The following PRSS21 variants were observed in gnomAD, a reference collection of about 807,000 sequenced individuals.
PRSS21 encodes the protein testisin.
PRSS21 carries 40 observed loss-of-function variants against 31.1 expected under a neutral mutation model. The observed-to-expected ratio is 1.29, with a 90% CI of 1.00 to 1.68. The LOEUF is 1.68. Among genes scored for constraint, PRSS21 ranks in the 40% most tolerant of loss-of-function variants. The pLI is 0.00. For missense variants in PRSS21, 467 were observed against 412.6 expected (o/e 1.13, Z -1.14); for synonymous variants, 186 against 167.7 (o/e 1.11, Z -0.84).
rs2069174365 is a variant in PRSS21 at position 2,821,420 on chromosome 16, G to A, written c.760G>A (p.Gly254Arg). Residue 254 changes from glycine (G) to arginine (R), a missense_variant, in exon 6 of 6, where the codon GGA (glycine) becomes AGA (arginine). Coordinates refer to ENST00000005995, the MANE Select transcript of PRSS21 (RefSeq NM_006799.4). The stretch of plus-strand genomic sequence containing the variant: ...CAAGAATGGACTGTGGTATCAGATT[G>A]GAGTCGTGAGCTGGGGAGTGGGCTG... The part of the protein sequence containing the change: ...CNKNGLWYQI[G>R]VVSWGVGCGR... 1 of 1,614,240 alleles carries A rather than the reference G, an allele frequency of 6.2e-7. No individual in the cohort carries two copies. Among genetic ancestry groups the A allele is most frequent in the Non-Finnish European group, 8.5e-7 (1 of 1,180,028 alleles).
Position 2,821,074 on chromosome 16 carries a change from G to A in PRSS21, c.670G>A (p.Ala224Thr). 1 of 1,614,156 alleles carries A rather than the reference G, an allele frequency of 6.2e-7. No homozygotes were observed. The highest frequency in any genetic ancestry group is 8.5e-7 in the Non-Finnish European group (1 of 1,180,028). ...RKDIFGDMVC[A>T]GNAQGGKDAC... ...GGACATCTTTGGAGACATGGTTTGTGCTGGCAATGCCCAAGGCGGGAAGGA... is the reference window on the plus strand; with the variant it reads ...GGACATCTTTGGAGACATGGTTTGTACTGGCAATGCCCAAGGCGGGAAGGA... Residue 224 changes from alanine to threonine, a missense_variant, in exon 5 of 6, where the codon GCT becomes ACT. By Grantham distance (58) the Ala-to-Thr change is moderately conservative (BLOSUM62 0). Coordinates refer to ENST00000005995, the MANE Select transcript of PRSS21 (RefSeq NM_006799.4).
At chr16:2,820,417 G>A (rs1380603267) in intron 4 of PRSS21, among the ~76,000 whole-genome samples, 1 of 152,202 alleles carries the variant, frequency 6.6e-6, no homozygotes, top group Non-Finnish European at 1.5e-5. Flanking sequence ...AACTTCCCCA[G>A]TGCCTTGCTG....
At position 2,820,966 on chromosome 16, in the gene PRSS21, C is replaced by T. The variant is rs780843299; in HGVS notation, c.562C>T (p.Pro188Ser). ...TATCGTCCGCACAGCACTGCCATCT[C>T]CCCACACCCTCCAGGAAGTTCAGGT... is the stretch of plus-strand genomic sequence containing the variant. ...YIKEDEALPS[P>S]HTLQEVQVAI... The change falls in exon 5 of 6, where the codon CCC becomes TCC. Residue 188 changes from proline (P) to serine (S), a missense_variant. By Grantham distance (74) the Pro-to-Ser change is moderately conservative. Coordinates refer to ENST00000005995, the MANE Select transcript of PRSS21 (RefSeq NM_006799.4). The T allele has an allele frequency of 3.1e-6, 5 of 1,613,706 alleles. 1 individual carries two copies. Among genetic ancestry groups the T allele is most frequent in the East Asian group, 2.2e-5 (1 of 44,874 alleles).
In PRSS21 at chr16:2,821,692, T is replaced by A. The variant is rs558406349; in HGVS notation, c.*87T>A. 2.0e-6 allele frequency: 3 copies of A among 1,488,574 alleles called. No homozygotes were observed. In the South Asian group the frequency reaches 3.7e-5, roughly 19 times the overall value. 92.2% of individuals were successfully genotyped at this position (1,488,574 alleles called of 1,614,324 possible). On this transcript the variant is annotated 3_prime_UTR_variant, in exon 6 of 6. Transcript: ENST00000005995. ...TTGTTTGGTAATAAACACATTCCAG[T>A]TGATGCCTTGCAGGGCATTCTTCAA...
At chr16:2,820,322 T>C (rs1279364505) in intron 4 of PRSS21, among the ~76,000 whole-genome samples, 1 of 152,238 alleles carries the variant, frequency 6.6e-6, no homozygotes, top group Non-Finnish European at 1.5e-5. Flanking sequence ...GGTCTCATTG[T>C]CTTTTGTCAT....
chr16:2,818,083 A>C, intron 3 of PRSS21, 117 bp downstream of exon 3: 1 of 1,304,084 alleles, frequency 7.7e-7, no homozygotes, highest in Non-Finnish European at 1.0e-6. Context: ...TTGTGCGTGG[A>C]TGCGGCCTGG....
Position 2,821,557 on chromosome 16 carries a change from A to T in PRSS21, c.897A>T (p.Leu299=). 1.2e-6 allele frequency: 2 copies of T among 1,613,498 alleles called. No individual in the cohort carries two copies. The highest frequency in any genetic ancestry group is 1.7e-6 in the Non-Finnish European group (2 of 1,179,844). ...GMSQPDPSWP[L]LFFPLLWALP... is the part of the protein sequence containing the mutation. ...CCCAGCCAGACCCCTCCTGGCCGCT[A>T]CTCTTTTTCCCTCTTCTCTGGGCTC... The change falls in exon 6 of 6, where the codon CTA becomes CTT. Residue 299 remains leucine, a synonymous_variant. Transcript: ENST00000005995.
rs1391248584 is a variant in PRSS21, at chr16:2,821,710, T to G, written c.*105T>G. The G allele has an allele frequency of 6.9e-7, 1 of 1,443,858 alleles. No homozygotes were observed. Among genetic ancestry groups the G allele is most frequent in the African/African-American group, 1.4e-5 (1 of 70,924 alleles). 89.4% of individuals were successfully genotyped at this position (1,443,858 alleles called of 1,614,324 possible). A position where few individuals can be genotyped will look rare whatever the true frequency, so the allele number is the denominator to read the frequency against. ...ATTCCAGTTGATGCCTTGCAGGGCA[T>G]TCTTCAAAAGCAGTGGCTTCATGGA... On this transcript the variant is annotated 3_prime_UTR_variant, in exon 6 of 6. Transcript: ENST00000005995.
chr16:2,821,580 C>T lies in PRSS21; in HGVS notation c.920C>T (p.Ala307Val), dbSNP rs1457836262. Residue 307 changes from alanine (A) to valine (V), a missense_variant, in exon 6 of 6, where the codon GCT becomes GTT. By Grantham distance (64) the Ala-to-Val change is moderately conservative (BLOSUM62 0). Transcript: ENST00000005995. Reference protein sequence around the residue: ...WPLLFFPLLWALPLLGPV With the variant: ...WPLLFFPLLWVLPLLGPV ...CTACTCTTTTTCCCTCTTCTCTGGG[C>T]TCTCCCACTCCTGGGGCCGGTCTGA... The T allele has an allele frequency of 6.2e-7, 1 of 1,613,658 alleles. No individual in the cohort carries two copies.
chr16:2,817,894 G>T lies in PRSS21; in HGVS notation c.185G>T (p.Trp62Leu), dbSNP rs548634776. The change falls in exon 3 of 6, where the codon TGG becomes TTG. Residue 62 changes from tryptophan to leucine, a missense_variant. Transcript: ENST00000005995. This position sits in a 1 kb window ranked among gnomAD's most constrained non-coding sequence, Gnocchi z 4.2. The part of the protein sequence containing the change: ...RWPWQGSLRL[W>L]DSHVCGVSLL... ...CCGTGGCAGGGGAGCCTGCGCCTGT[G>T]GGATTCCCACGTATGCGGAGTGAGC... 31 of 1,549,644 alleles carry T rather than the reference G, an allele frequency of 2.0e-5. No individual in the cohort carries two copies. The East Asian group carries it at 6.8e-4, about 34-fold the overall frequency.
Position 2,817,516 on chromosome 16 carries a change from C to A in PRSS21, c.91+60C>A, listed in dbSNP as rs1222378470. The A allele has an allele frequency of 6.7e-6, 5 of 741,226 alleles. No individual in the cohort carries two copies. Among genetic ancestry groups the A allele is most frequent in the South Asian group, 2.3e-5 (1 of 43,376 alleles). 45.9% of individuals were successfully genotyped at this position (741,226 alleles called of 1,614,324 possible). On this transcript the variant is annotated intron_variant, in intron 2 of 5. Transcript: ENST00000005995. This position sits in a 1 kb window ranked among gnomAD's most constrained non-coding sequence, Gnocchi z 4.2. ...CCGTTGGGCCGAGGTGGACGGGGGGCGGTGAGGGGGTAGAGGGGGGCCTTT... is the reference window on the plus strand; with the variant it reads ...CCGTTGGGCCGAGGTGGACGGGGGGAGGTGAGGGGGTAGAGGGGGGCCTTT...
At chr16:2,820,848 C>A in intron 4 of PRSS21, 107 bp from the exon 5 acceptor site, 4 of 1,189,724 alleles carry the variant, frequency 3.4e-6, no homozygotes, top group Non-Finnish European at 4.8e-6. Context: ...GATGAACCTG[C>A]CAGGCACAGT....
intron 5 of PRSS21, 112 bp from the exon 6 acceptor site, chr16:2,821,254 A>G: frequency 6.6e-7 from 1 of 1,516,548 alleles, no homozygotes; most frequent in Non-Finnish European, 9.0e-7. Context: ...TGCCAGGGGG[A>G]GGAGGAGGAT....
chr16:2,821,440 G>C lies in PRSS21; in HGVS notation c.780G>C (p.Val260=), dbSNP rs1338709165. 15 of 1,614,118 alleles carry C rather than the reference G, an allele frequency of 9.3e-6. No individual in the cohort carries two copies. The highest frequency in any genetic ancestry group is 1.1e-5 in the Non-Finnish European group (13 of 1,180,040). The change falls in exon 6 of 6, where the codon GTG becomes GTC. Residue 260 remains valine (V), a synonymous_variant. Transcript: ENST00000005995. ...WYQIGVVSWG[V]GCGRPNRPGV... ...AGATTGGAGTCGTGAGCTGGGGAGT[G>C]GGCTGTGGTCGGCCCAATCGGCCCG...
At chr16:2,820,094 G>C (rs891734267) in intron 4 of PRSS21, among the ~76,000 whole-genome samples, 5 of 152,198 alleles carry the variant, frequency 3.3e-5, no homozygotes, top group Non-Finnish European at 7.3e-5. Flanking sequence ...GGGGAGGCAG[G>C]GGACAGGCAC....
rs960111416 is a variant in PRSS21 at position 2,817,526 on chromosome 16, G to A, written c.91+70G>A. 46 of 1,028,422 alleles carry A rather than the reference G, an allele frequency of 4.5e-5. 1 individual carries two copies. The highest frequency in any genetic ancestry group is 2.5e-4 in the Admixed American group (9 of 35,504). 63.7% of individuals were successfully genotyped at this position (1,028,422 alleles called of 1,614,324 possible). On this transcript the variant is annotated intron_variant, in intron 2 of 5. Transcript: ENST00000005995. The surrounding 1 kb of genome is among the most constrained non-coding windows in gnomAD (Gnocchi z 4.2). Reference sequence around the variant, plus strand: ...GAGGTGGACGGGGGGCGGTGAGGGGGTAGAGGGGGGCCTTTACTGCTCTCT... The same window carrying A: ...GAGGTGGACGGGGGGCGGTGAGGGGATAGAGGGGGGCCTTTACTGCTCTCT...
intron 4 of PRSS21, 134 bp downstream of exon 4, chr16:2,819,103 C>T: frequency 9.7e-7 from 1 of 1,030,360 alleles, no homozygotes; most frequent in Non-Finnish European, 1.4e-6. Context: ...CCTCACCTGC[C>T]AGGGCAGGGA....
Position 2,817,471 on chromosome 16 carries a change from A to C in PRSS21, c.91+15A>C. 6.7e-7 allele frequency: 1 copy of C among 1,495,544 alleles called. No homozygotes were observed. Among genetic ancestry groups the C allele is most frequent in the Non-Finnish European group, 8.9e-7 (1 of 1,128,848 alleles). 92.6% of individuals were successfully genotyped at this position (1,495,544 alleles called of 1,614,324 possible). ...GCCGTTATCAGGTAGGGCGCCCAGG[A>C]CGCGCGATTCCTGCCAGGGCCGTTG... On this transcript the variant is annotated intron_variant, in intron 2 of 5. Coordinates refer to ENST00000005995, the MANE Select transcript of PRSS21 (RefSeq NM_006799.4). This position sits in a 1 kb window ranked among gnomAD's most constrained non-coding sequence, Gnocchi z 4.2.
chr16:2,821,315 C>T, intron 5 of PRSS21, 51 bp from the exon 6 acceptor site: 11 of 1,605,678 alleles, frequency 6.9e-6, no homozygotes, highest in Non-Finnish European at 9.4e-6. Flanking sequence ...CAGCCCCTCC[C>T]CTGCCCCACT....
Sources: allele counts gnomAD v4.1 joint callset (sites outside exome capture counted in the v4.1 genomes callset), GRCh38; gene constraint gnomAD v4.1.1; non-coding constraint Gnocchi (gnomAD v3.1); transcripts MANE v1.5; gene names NCBI Gene and HGNC (gene_info 2026-07-23, HGNC 2026-07-21).